RAP1GDS1: variants seen among roughly 807,000 people sequenced by gnomAD.
The protein encoded by RAP1GDS1 is RAP1, GTP-GDP dissociation stimulator 1.
In RAP1GDS1, 35 loss-of-function variants were observed where a neutral mutation model predicts 71.1. That is an observed-to-expected ratio of 0.49 (90% confidence interval 0.38 to 0.65). The LOEUF is 0.65. Among genes scored for constraint, RAP1GDS1 ranks in the 30% least tolerant of loss-of-function variants. The pLI is 0.00. For missense variants in RAP1GDS1, 663 were observed against 706.1 expected (o/e 0.94, Z 0.69); for synonymous variants, 229 against 243.1 (o/e 0.94, Z 0.54).
chr4:98,349,813 T>C (rs1283901780), intron 3 of RAP1GDS1, among the ~76,000 whole-genome samples: 4 of 152,070 alleles, frequency 2.6e-5, no homozygotes, highest in Non-Finnish European at 5.9e-5. Context: ...TTGCACATTT[T>C]AAACAGATTC....
intron 2 of RAP1GDS1, among the ~76,000 whole-genome samples, chr4:98,321,368 C>T (rs1346695226): frequency 1.4e-5 from 2 of 144,056 alleles, no homozygotes; most frequent in Non-Finnish European, 3.0e-5. Flanking sequence ...TCCAGGAGAA[C>T]TTCCCCAATC....
Position 98,392,018 on chromosome 4 carries a change from A to G in RAP1GDS1, c.575A>G (p.His192Arg), listed in dbSNP as rs1158529174. ...IPTLVKLLGI[H>R]CQNAALTEMC... ...ACCTTAGTGAAATTACTGGGCATCC[A>G]CTGCCAAAATGCAGCTCTTACAGAA... The change falls in exon 6 of 15, where the codon CAC (histidine) becomes CGC (arginine). Residue 192 changes from histidine to arginine, a missense_variant. Coordinates refer to ENST00000408927, the MANE Select transcript of RAP1GDS1 (RefSeq NM_001100427.2). 2 of 1,612,344 alleles carry G rather than the reference A, an allele frequency of 1.2e-6. No individual in the cohort carries two copies. Among genetic ancestry groups the G allele is most frequent in the Non-Finnish European group, 1.7e-6 (2 of 1,178,840 alleles).
At chr4:98,377,294 T>A (rs565816924) in intron 4 of RAP1GDS1, among the ~76,000 whole-genome samples, 2 of 151,950 alleles carry the variant, frequency 1.3e-5, no homozygotes, top group Non-Finnish European at 2.9e-5. Flanking sequence ...AGATTTGTAA[T>A]CCTAATGTTC....
intron 2 of RAP1GDS1, among the ~76,000 whole-genome samples, chr4:98,309,457 T>A (rs1729867900): frequency 6.6e-6 from 1 of 151,984 alleles, no homozygotes; most frequent in African/African-American, 2.4e-5. Context: ...TTTTGAATTA[T>A]GAATATATGT....
chr4:98,335,842 G>C (rs1734647463), intron 2 of RAP1GDS1, among the ~76,000 whole-genome samples: 1 of 150,108 alleles, frequency 6.7e-6, no homozygotes, highest in Non-Finnish European at 1.5e-5. Context: ...ATTTTCCTGG[G>C]AAAGTGGAGT....
At chr4:98,434,957 G>A (rs143449163) in intron 13 of RAP1GDS1, among the ~76,000 whole-genome samples, 19 of 152,226 alleles carry the variant, frequency 1.2e-4, no homozygotes, top group African/African-American at 4.6e-4. Flanking sequence ...AATTCATCAC[G>A]AGAAGCTAAT....
intron 4 of RAP1GDS1, among the ~76,000 whole-genome samples, chr4:98,371,115 CTT>C (rs1032888957): frequency 1.4e-4 from 19 of 135,734 alleles, no homozygotes; most frequent in Admixed American, 2.2e-4. Flanking sequence ...ATTGTTATAT[CTT>C]TTTTTTTTTT....
intron 1 of RAP1GDS1, among the ~76,000 whole-genome samples, chr4:98,280,196 A>G (rs578123864): frequency 1.3e-5 from 2 of 152,312 alleles, no homozygotes; most frequent in South Asian, 4.1e-4. Flanking sequence ...TGTTTTCCAC[A>G]ATGGTTGAAC....
Position 98,417,425 on chromosome 4 carries a change from C to G in RAP1GDS1, c.966C>G (p.Leu322=). 6.2e-7 allele frequency: 1 copy of G among 1,613,350 alleles called. No homozygotes were observed. Among genetic ancestry groups the G allele is most frequent in the Non-Finnish European group, 8.5e-7 (1 of 1,179,420 alleles). The part of the protein sequence containing the change: ...GGKGSVFQRV[L]SWIPSNNHQL... Reference sequence around the variant, plus strand: ...AAGGTAGTGTATTTCAAAGGGTACTCTCTTGGATCCCATCAAATAACCACC... The same window carrying G: ...AAGGTAGTGTATTTCAAAGGGTACTGTCTTGGATCCCATCAAATAACCACC... The change falls in exon 9 of 15, where the codon CTC becomes CTG. Residue 322 remains leucine, a synonymous_variant. Transcript: ENST00000408927.
chr4:98,419,922 A>G lies in RAP1GDS1; in HGVS notation c.1175-97A>G. 3 of 1,192,880 alleles carry G rather than the reference A, an allele frequency of 2.5e-6. 1 individual carries two copies. The highest frequency in any genetic ancestry group is 3.4e-6 in the Non-Finnish European group (3 of 895,432). 73.9% of individuals were successfully genotyped at this position (1,192,880 alleles called of 1,614,324 possible). ...TTGTTTCTAAATGGAAAAATAAAAC[A>G]TGGATCTTAAAGATACTTAATAAAC... On this transcript the variant is annotated intron_variant, in intron 10 of 14. Transcript: ENST00000408927.
chr4:98,331,777 A>G (rs968771155), intron 2 of RAP1GDS1, among the ~76,000 whole-genome samples: 1 of 152,210 alleles, frequency 6.6e-6, no homozygotes, highest in African/African-American at 2.4e-5. Context: ...TTCTAGGTCA[A>G]AAAATCTTAA....
intron 11 of RAP1GDS1, among the ~76,000 whole-genome samples, chr4:98,420,955 A>G (rs867560675): frequency 6.6e-6 from 1 of 152,186 alleles, no homozygotes; most frequent in Non-Finnish European, 1.5e-5. Context: ...ACCCTTTTCT[A>G]TATTGATTGC....
intron 6 of RAP1GDS1, among the ~76,000 whole-genome samples, chr4:98,392,442 T>C (rs1743849869): frequency 1.3e-5 from 2 of 152,222 alleles, no homozygotes. Context: ...ATGTATTGCA[T>C]AGTGGCTTGT....
At chr4:98,328,653 A>G (rs1200300834) in intron 2 of RAP1GDS1, among the ~76,000 whole-genome samples, 2 of 152,264 alleles carry the variant, frequency 1.3e-5, no homozygotes, top group East Asian at 3.9e-4. Flanking sequence ...TTTTTAATAA[A>G]CATAACTTTC....
intron 4 of RAP1GDS1, among the ~76,000 whole-genome samples, chr4:98,374,608 G>A (rs1003816779): frequency 3.3e-5 from 5 of 152,254 alleles, no homozygotes; most frequent in East Asian, 3.9e-4. Context: ...GGAATTGAGC[G>A]CACTTCCTTT....
chr4:98,402,587 C>T (rs1198289918), intron 6 of RAP1GDS1, among the ~76,000 whole-genome samples: 3 of 152,052 alleles, frequency 2.0e-5, no homozygotes, highest in Admixed American at 2.0e-4. Flanking sequence ...GGAATAGATC[C>T]GTTGACAATG....
chr4:98,338,028 G>A (rs1246808793), intron 2 of RAP1GDS1, among the ~76,000 whole-genome samples: 7 of 151,820 alleles, frequency 4.6e-5, no homozygotes, highest in Non-Finnish European at 8.9e-5. Flanking sequence ...GAGGCAAACC[G>A]GAGTTAGGGA....
rs778010904 is a variant in RAP1GDS1, at chr4:98,343,174, A to G, written c.148A>G (p.Ile50Val). The part of the protein sequence containing the change: ...ETSEKIQASG[I>V]LQLFASLLTP... Reference sequence around the variant, plus strand: ...AAGTGAAAAAATCCAAGCAAGTGGAATACTTCAGCTGTTTGCAAGTCTGTT... The same window carrying G: ...AAGTGAAAAAATCCAAGCAAGTGGAGTACTTCAGCTGTTTGCAAGTCTGTT... The change falls in exon 3 of 15, where the codon ATA (isoleucine) becomes GTA (valine). Residue 50 changes from isoleucine (I) to valine (V), a missense_variant. Coordinates refer to ENST00000408927, the MANE Select transcript of RAP1GDS1 (RefSeq NM_001100427.2). 37 of 1,607,984 alleles carry G rather than the reference A, an allele frequency of 2.3e-5. 1 individual carries two copies. Among genetic ancestry groups the G allele is most frequent in the Non-Finnish European group, 3.1e-5 (36 of 1,175,290 alleles).
At chr4:98,297,673 T>C (rs2110289476) in intron 2 of RAP1GDS1, among the ~76,000 whole-genome samples, 1 of 152,282 alleles carries the variant, frequency 6.6e-6, no homozygotes, top group South Asian at 2.1e-4. Context: ...CCGTACCCCC[T>C]ACTCCCCATC....
Sources: gnomAD v4.1 joint callset for allele counts (sites outside exome capture counted in the v4.1 genomes callset) on GRCh38, gnomAD v4.1.1 for gene constraint, MANE v1.5 for transcripts, NCBI Gene and HGNC (gene_info 2026-07-23, HGNC 2026-07-21) for gene names.